The following PLXNA4 variants were observed in gnomAD, a reference collection of about 807,000 sequenced individuals.
The protein encoded by PLXNA4 is plexin A4.
PLXNA4 carries 44 observed loss-of-function variants against 191.8 expected under a neutral mutation model. The observed-to-expected ratio is 0.23, with a 90% CI of 0.18 to 0.29. The LOEUF (loss-of-function observed/expected upper bound fraction) is 0.29, where lower values mean the gene tolerates loss of function less well. Ranked by LOEUF, PLXNA4 falls within the 10% of genes least tolerant of loss-of-function variation. The pLI is 1.00. For missense variants in PLXNA4, 1,800 were observed against 2,488.8 expected (o/e 0.72, Z 5.89); for synonymous variants, 1,082 against 1,009.5 (o/e 1.07, Z -1.36).
chr7:132,302,514 C>T (rs1474251474), intron 3 of PLXNA4, among the ~76,000 whole-genome samples: 3 of 151,804 alleles, frequency 2.0e-5, no homozygotes, highest in East Asian at 3.9e-4. Flanking sequence ...GAGTCAGGAT[C>T]GAGGAAGGGA....
Position 132,576,454 on chromosome 7 carries a change from A to T in PLXNA4, c.-119T>A. 1 of 985,144 alleles carries T rather than the reference A, an allele frequency of 1.0e-6. No individual in the cohort carries two copies. Among genetic ancestry groups the T allele is most frequent in the Non-Finnish European group, 1.2e-6 (1 of 829,842 alleles). The allele number at this position is 985,144 out of a possible 1,614,324, so 61.0% of individuals were successfully genotyped here. A position where few individuals can be genotyped will look rare whatever the true frequency, so the allele number is the denominator to read the frequency against. On this transcript the variant is annotated 5_prime_UTR_variant, in exon 1 of 32. Transcript: ENST00000321063. The surrounding 1 kb of genome is among the most constrained non-coding windows in gnomAD (Gnocchi z 5.8). ...CGCCGCGTTTCCCTCCTTCAGCGGG[A>T]GCGCCGCATTGACACTGCAGATGGA...
chr7:132,358,051 T>C (rs1011244690), intron 3 of PLXNA4, among the ~76,000 whole-genome samples: 7 of 152,230 alleles, frequency 4.6e-5, no homozygotes, highest in African/African-American at 1.4e-4. Flanking sequence ...TCAATGGAGA[T>C]GAGGATTTGT....
At chr7:132,179,651 C>T (rs1584803950) in intron 20 of PLXNA4, 36 bp downstream of exon 20, 1 of 1,600,352 alleles carries the variant, frequency 6.2e-7, no homozygotes, top group Non-Finnish European at 8.6e-7. Context: ...CACACACGCA[C>T]ACACACATGG....
Position 132,180,603 on chromosome 7 carries a change from C to T in PLXNA4, c.3622G>A (p.Gly1208Ser). ...QLLCESPNLI[G>S]RHKVMARVGG... The stretch of plus-strand genomic sequence containing the variant: ...AGCCTCACCATCACTTTGTGCCTGC[C>T]GATGAGGTTGGGGGACTCGCAGAGC... The change falls in exon 19 of 32, where the codon GGC becomes AGC. Residue 1208 changes from glycine (G) to serine (S), a missense_variant. Gly to Ser is a moderately conservative substitution (Grantham distance 56). This residue lies in a region of PLXNA4 where 1,397 missense variants were observed against 1,880.4 expected (regional missense o/e 0.74). Transcript: ENST00000321063. The T allele has an allele frequency of 2.5e-6, 4 of 1,614,174 alleles. No homozygotes were observed. Among genetic ancestry groups the T allele is most frequent in the Non-Finnish European group, 3.4e-6 (4 of 1,180,032 alleles).
At chr7:132,218,627 CA>C (rs1255340331) in intron 9 of PLXNA4, among the ~76,000 whole-genome samples, 1 of 152,130 alleles carries the variant, frequency 6.6e-6, no homozygotes, top group Non-Finnish European at 1.5e-5. Context: ...ATGGGAGGTC[CA>C]GGTTGGCCTG....
intron 3 of PLXNA4, among the ~76,000 whole-genome samples, chr7:132,309,691 T>C (rs1801654971): frequency 6.6e-6 from 1 of 152,098 alleles, no homozygotes; most frequent in African/African-American, 2.4e-5. Flanking sequence ...AGGTGCTTCA[T>C]GCTGTTACAC....
upstream of PLXNA4, among the ~76,000 whole-genome samples, chr7:132,579,277 T>C (rs966078538): frequency 6.6e-6 from 1 of 152,086 alleles, no homozygotes; most frequent in African/African-American, 2.4e-5. Flanking sequence ...TTCAAACTTC[T>C]GTTGGCCACT....
intron 3 of PLXNA4, among the ~76,000 whole-genome samples, chr7:132,351,848 G>A (rs1168880998): frequency 2.0e-5 from 3 of 152,118 alleles, no homozygotes; most frequent in African/African-American, 7.2e-5. Flanking sequence ...CAGAGTTCCA[G>A]AGAAAGAGAT....
intron 24 of PLXNA4, among the ~76,000 whole-genome samples, chr7:132,163,384 C>G (rs1486346933): frequency 6.6e-6 from 1 of 152,218 alleles, no homozygotes; most frequent in East Asian, 1.9e-4. Context: ...CTCTGAGCAA[C>G]TATGATTATC....
At chr7:132,471,740 T>G (rs920221019) in intron 3 of PLXNA4, among the ~76,000 whole-genome samples, 1 of 152,086 alleles carries the variant, frequency 6.6e-6, no homozygotes, top group Non-Finnish European at 1.5e-5. Context: ...GGAGGGGCGC[T>G]CTTTCAAACT....
At chr7:132,167,997 T>C (rs1356273149) in intron 22 of PLXNA4, among the ~76,000 whole-genome samples, 1 of 151,996 alleles carries the variant, frequency 6.6e-6, no homozygotes. Context: ...GAAGATTCCA[T>C]GAGAGGAGAT....
chr7:132,217,896 G>C (rs1280377326), intron 9 of PLXNA4, among the ~76,000 whole-genome samples: 1 of 86,362 alleles, frequency 1.2e-5, no homozygotes, highest in Non-Finnish European at 2.3e-5. Flanking sequence ...AGCTGGATTT[G>C]CTTTTTTTTT....
intron 3 of PLXNA4, among the ~76,000 whole-genome samples, chr7:132,424,247 G>T (rs1794953136): frequency 6.6e-6 from 1 of 152,192 alleles, no homozygotes; most frequent in Non-Finnish European, 1.5e-5. Context: ...TGGTGCTGCT[G>T]GTCTGCCCCC....
chr7:132,253,443 C>G lies in PLXNA4; in HGVS notation c.1504-12277G>C, dbSNP rs1395891681. Among the ~76,000 whole-genome samples, 3 of 151,978 alleles carry G rather than the reference C, an allele frequency of 2.0e-5. No homozygotes were observed. The East Asian group carries it at 5.8e-4, about 29-fold the overall frequency. On this transcript the variant is annotated intron_variant, in intron 4 of 31. Coordinates refer to ENST00000321063, the MANE Select transcript of PLXNA4 (RefSeq NM_020911.2). ...TCTTTTTTGTAGAGATAGGAGTTCA[C>G]CATGTTGGCCAAGCTGATCTTGAAC... is the stretch of plus-strand genomic sequence containing the variant.
chr7:132,355,612 A>T (rs994612221), intron 3 of PLXNA4, among the ~76,000 whole-genome samples: 2 of 152,228 alleles, frequency 1.3e-5, no homozygotes, highest in Non-Finnish European at 1.5e-5. Context: ...TGAGAGATGC[A>T]GCCACAAATA....
At chr7:132,201,555 T>C (rs1178396558) in intron 12 of PLXNA4, among the ~76,000 whole-genome samples, 1 of 152,180 alleles carries the variant, frequency 6.6e-6, no homozygotes, top group African/African-American at 2.4e-5. Context: ...TCCTTCTCCC[T>C]CTTCCTGCTG....
At chr7:132,277,134 A>T (rs1192657846) in intron 4 of PLXNA4, among the ~76,000 whole-genome samples, 1 of 152,348 alleles carries the variant, frequency 6.6e-6, no homozygotes, top group Non-Finnish European at 1.5e-5. Context: ...TTGTCTGGAC[A>T]TTCTCCAGAA....
At chr7:132,555,320 C>T (rs188480997) in intron 1 of PLXNA4, among the ~76,000 whole-genome samples, 2 of 152,108 alleles carry the variant, frequency 1.3e-5, no homozygotes, top group African/African-American at 4.8e-5. Context: ...GCAATGGGAC[C>T]AGCCACCTGC....
At chr7:132,160,265 A>G (rs1795909862) in intron 24 of PLXNA4, among the ~76,000 whole-genome samples, 1 of 152,232 alleles carries the variant, frequency 6.6e-6, no homozygotes, top group South Asian at 2.1e-4. Flanking sequence ...GATGCCCTTT[A>G]AAGATTGCAG....
Sources: allele counts gnomAD v4.1 joint callset (sites outside exome capture counted in the v4.1 genomes callset), GRCh38; gene constraint gnomAD v4.1.1; regional missense constraint gnomAD v4.1.1; non-coding constraint Gnocchi (gnomAD v3.1); transcripts MANE v1.5; gene names NCBI Gene and HGNC (gene_info 2026-07-23, HGNC 2026-07-21).